Variants in TBC1D5 observed in about 807,000 individuals in gnomAD.
The protein encoded by TBC1D5 is TBC1 domain family member 5.
A neutral mutation model predicts 100.3 loss-of-function variants in TBC1D5; 75 were observed. The observed-to-expected ratio is 0.75, with a 90% CI of 0.62 to 0.91. The LOEUF is 0.91. Among genes scored for constraint, TBC1D5 ranks in the 40% least tolerant of loss-of-function variants. TBC1D5 has a pLI of 0.00. For missense variants in TBC1D5, 910 were observed against 942.4 expected (o/e 0.97, Z 0.45); for synonymous variants, 323 against 325.6 (o/e 0.99, Z 0.09).
At chr3:17,637,057 T>C (rs2064014825) in intron 1 of TBC1D5, among the ~76,000 whole-genome samples, 1 of 150,792 alleles carries the variant, frequency 6.6e-6, no homozygotes, top group South Asian at 2.1e-4. Flanking sequence ...AGTGTCACTC[T>C]GTCGCCCAGG....
At chr3:17,236,732 G>A (rs550119804) in intron 17 of TBC1D5, among the ~76,000 whole-genome samples, 3 of 152,104 alleles carry the variant, frequency 2.0e-5, no homozygotes, top group South Asian at 2.1e-4. Context: ...GATCTACCTC[G>A]GCCTCCCAAA....
intron 17 of TBC1D5, 116 bp from the exon 18 acceptor site, chr3:17,233,866 A>G (rs1243025331): frequency 1.8e-6 from 1 of 555,568 alleles, no homozygotes; most frequent in African/African-American, 1.9e-5. Context: ...TATAGTACAA[A>G]AGAAAATAAT....
chr3:17,167,893 A>G (rs769072124), intron 19 of TBC1D5, 65 bp from the exon 21 acceptor site: 81 of 1,169,828 alleles, frequency 6.9e-5, no homozygotes, highest in East Asian at 1.0e-4. Context: ...CTGCCACATC[A>G]TAACTTCAGA....
At position 17,430,369 on chromosome 3, in the gene TBC1D5, T is replaced by C. The variant is rs1016958375; in HGVS notation, c.98-1850A>G. On this transcript the variant is annotated intron_variant, in intron 3 of 21. Coordinates refer to ENST00000253692, the Ensembl canonical transcript of TBC1D5. ...AAGGTGATATTTATCAGATCAAATATAAAATCCTTCAAATAATTAAGAGAA... is the reference window on the plus strand; with the variant it reads ...AAGGTGATATTTATCAGATCAAATACAAAATCCTTCAAATAATTAAGAGAA... Among the ~76,000 whole-genome samples the C allele has an allele frequency of 1.6e-4, 25 of 151,916 alleles. 1 individual carries two copies. Among genetic ancestry groups the C allele is most frequent in the Admixed American group, 9.2e-4 (14 of 15,256 alleles).
At chr3:17,297,891 C>A (rs1043874786) in intron 14 of TBC1D5, among the ~76,000 whole-genome samples, 2 of 151,976 alleles carry the variant, frequency 1.3e-5, no homozygotes, top group Admixed American at 6.6e-5. Flanking sequence ...CTACACCTCG[C>A]CAAAACAAAG....
At chr3:17,557,343 C>T (rs2096528851) in intron 2 of TBC1D5, among the ~76,000 whole-genome samples, 1 of 152,190 alleles carries the variant, frequency 6.6e-6, no homozygotes, top group African/African-American at 2.4e-5. Context: ...CAATAGCTTA[C>T]ATAAAATAAC....
Position 17,387,620 on chromosome 3 carries a change from A to C in TBC1D5, c.510-3605T>G, listed in dbSNP as rs1306716124. The stretch of plus-strand genomic sequence containing the variant: ...TTTTGATGATATGTTGTAAGTTTCA[A>C]AATAGCTTCCCTACCACTCATTACA... On this transcript the variant is annotated intron_variant, in intron 8 of 21. Coordinates refer to ENST00000253692, the Ensembl canonical transcript of TBC1D5. Among the ~76,000 whole-genome samples the C allele has an allele frequency of 3.3e-5, 5 of 152,046 alleles. No homozygotes were observed. In the East Asian group the frequency reaches 9.7e-4, roughly 29 times the overall value.
chr3:17,713,193 A>AT (rs1210336194), intron 1 of TBC1D5, among the ~76,000 whole-genome samples: 1 of 152,060 alleles, frequency 6.6e-6, no homozygotes, highest in East Asian at 1.9e-4. Flanking sequence ...GAAAAAATAG[A>AT]TAAACTGGGT....
chr3:17,496,560 G>A (rs2095710374), intron 3 of TBC1D5, among the ~76,000 whole-genome samples: 1 of 152,050 alleles, frequency 6.6e-6, no homozygotes, highest in African/African-American at 2.4e-5. Flanking sequence ...GGACCATATA[G>A]AAAGAACTGA....
intron 2 of TBC1D5, among the ~76,000 whole-genome samples, chr3:17,591,343 T>A (rs1462539058): frequency 2.8e-5 from 4 of 144,472 alleles, no homozygotes; most frequent in Non-Finnish European, 6.0e-5. Flanking sequence ...AACTCTTGAA[T>A]GAAAGCAAGG....
intron 1 of TBC1D5, among the ~76,000 whole-genome samples, chr3:17,656,814 C>G (rs1409372815): frequency 1.5e-5 from 2 of 135,204 alleles, no homozygotes; most frequent in Admixed American, 8.0e-5. Flanking sequence ...TATTTATCAT[C>G]AAACATACAG....
chr3:17,539,557 G>T (rs2096326683), intron 2 of TBC1D5, among the ~76,000 whole-genome samples: 1 of 152,092 alleles, frequency 6.6e-6, no homozygotes, highest in South Asian at 2.1e-4. Context: ...CTGGAATTTG[G>T]TGTCTTATCG....
At chr3:17,158,337 G>A (rs1370064800) in exon 22 of TBC1D5, 1 of 152,086 alleles carries the variant, frequency 6.6e-6, no homozygotes, top group Non-Finnish European at 1.5e-5. Context: ...GATTACATTT[G>A]TTAACAAAAC....
At chr3:17,670,207 C>T (rs922148317) in intron 1 of TBC1D5, among the ~76,000 whole-genome samples, 14 of 152,060 alleles carry the variant, frequency 9.2e-5, no homozygotes, top group Non-Finnish European at 1.3e-4. Context: ...TATGTTTTTA[C>T]GTTAAAGCTG....
At chr3:17,393,207 G>A (rs539008428) in intron 8 of TBC1D5, among the ~76,000 whole-genome samples, 1 of 151,830 alleles carries the variant, frequency 6.6e-6, no homozygotes, top group African/African-American at 2.4e-5. Context: ...TGATGGGGTT[G>A]TTTTTTTCTT....
intron 19 of TBC1D5, among the ~76,000 whole-genome samples, chr3:17,177,636 C>A (rs182552265): frequency 6.6e-6 from 1 of 152,304 alleles, no homozygotes; most frequent in East Asian, 1.9e-4. Flanking sequence ...CTGTCAAGGG[C>A]CAGTAACACC....
intron 2 of TBC1D5, among the ~76,000 whole-genome samples, chr3:17,551,856 C>A (rs1166319669): frequency 6.6e-6 from 1 of 152,092 alleles, no homozygotes; most frequent in Non-Finnish European, 1.5e-5. Flanking sequence ...ACACAAAAAA[C>A]AACTGCGTAT....
intron 17 of TBC1D5, among the ~76,000 whole-genome samples, chr3:17,216,609 T>C (rs2073666668): frequency 6.6e-6 from 1 of 152,140 alleles, no homozygotes; most frequent in East Asian, 1.9e-4. Flanking sequence ...CCTATGCTTA[T>C]AAGGGCCTAG....
intron 3 of TBC1D5, among the ~76,000 whole-genome samples, chr3:17,496,219 G>A (rs1054988791): frequency 6.6e-6 from 1 of 152,158 alleles, no homozygotes; most frequent in African/African-American, 2.4e-5. Flanking sequence ...ATGTAATTGT[G>A]AGAACACATT....
Sources: gnomAD v4.1 joint callset for allele counts (sites outside exome capture counted in the v4.1 genomes callset) on GRCh38, gnomAD v4.1.1 for gene constraint, MANE v1.5 for transcripts, NCBI Gene and HGNC (gene_info 2026-07-23, HGNC 2026-07-21) for gene names.